The following HOXD3 variants were observed in gnomAD, a reference collection of about 807,000 sequenced individuals.
The protein encoded by HOXD3 is homeobox protein Hox-D3.
Under a neutral mutation model 32.8 loss-of-function variants are expected in HOXD3, and 13 were observed. That is an observed-to-expected ratio of 0.40 (90% confidence interval 0.26 to 0.63). The LOEUF (loss-of-function observed/expected upper bound fraction) is 0.63, where lower values mean the gene tolerates loss of function less well. HOXD3 is among the 20% of genes least tolerant of loss of function. The pLI is 0.44. For missense variants in HOXD3, 504 were observed against 577.1 expected (o/e 0.87, Z 1.30); for synonymous variants, 241 against 246.8 (o/e 0.98, Z 0.22).
At chr2:176,157,141 C>T (rs1475230878), upstream of HOXD3, among the ~76,000 whole-genome samples, 1 of 152,136 alleles carries the variant, frequency 6.6e-6, no homozygotes, top group Non-Finnish European at 1.5e-5. Context: ...GCCCTCCCTG[C>T]CCCCCGCGCC....
rs147036334 is a variant in HOXD3 at position 176,158,078 on chromosome 2, C to G, written c.-181+626C>G. Among the ~76,000 whole-genome samples, 16 of 152,344 alleles carry G rather than the reference C, an allele frequency of 1.1e-4. No homozygotes were observed. The South Asian group carries it at 2.5e-3, about 24-fold the overall frequency. ...AATGATTTCCGAGTTGCCTCTCCCC[C>G]CGCTCCTCTCTCCCCACCCAAGTTC... On this transcript the variant is annotated intron_variant, in intron 1 of 3. Transcript: ENST00000683222.
intron 1 of HOXD3, among the ~76,000 whole-genome samples, chr2:176,157,809 G>T (rs1375923908): frequency 6.6e-6 from 1 of 152,172 alleles, no homozygotes; most frequent in East Asian, 1.9e-4. Context: ...CAAGACAACA[G>T]GAGTTGTAAA....
At position 176,169,389 on chromosome 2, in the gene HOXD3, G is replaced by C. The variant is rs751122506; in HGVS notation, c.275G>C (p.Arg92Pro). ...KGAELNGSCMRPGTGNSQGGG... is the reference protein window; with the variant it reads ...KGAELNGSCMPPGTGNSQGGG... ...GCTGAACTCAATGGCAGCTGCATGCGGCCGGGCACTGGGAACAGCCAGGGT... is the reference window on the plus strand; with the variant it reads ...GCTGAACTCAATGGCAGCTGCATGCCGCCGGGCACTGGGAACAGCCAGGGT... Residue 92 changes from arginine (R) to proline (P), a missense_variant, in exon 3 of 4, where the codon CGG becomes CCG. Physicochemically the swap from Arg to Pro is moderately radical, Grantham distance 103 (BLOSUM62 -2). This residue lies in a region of HOXD3 where 181 missense variants were observed against 172.2 expected (regional missense o/e 1.05). Transcript: ENST00000683222. 6.2e-7 allele frequency: 1 copy of C among 1,613,864 alleles called. No individual in the cohort carries two copies. The highest frequency in any genetic ancestry group is 1.7e-5 in the Admixed American group (1 of 60,010).
chr2:176,155,020 C>T (rs995778845), upstream of HOXD3, among the ~76,000 whole-genome samples: 2 of 152,130 alleles, frequency 1.3e-5, no homozygotes, highest in Non-Finnish European at 1.5e-5. Context: ...GTATTTCAGC[C>T]GGGAGGACTG....
chr2:176,158,744 G>T (rs1376067068), intron 1 of HOXD3, among the ~76,000 whole-genome samples: 4 of 152,206 alleles, frequency 2.6e-5, no homozygotes, highest in Non-Finnish European at 5.9e-5. Flanking sequence ...CTTTGCGAGT[G>T]ACTCGGGCGC....
intron 1 of HOXD3, chr2:176,160,907 G>C (rs1307016107): frequency 6.6e-6 from 1 of 152,256 alleles, no homozygotes; most frequent in Non-Finnish European, 1.5e-5. Context: ...ACCTCAGCCT[G>C]GTTCCGTTCT....
At position 176,169,090 on chromosome 2, in the gene HOXD3, G is replaced by A. The variant is rs756039679; in HGVS notation, c.-25G>A. 4 of 1,573,356 alleles carry A rather than the reference G, an allele frequency of 2.5e-6. No individual in the cohort carries two copies. Among genetic ancestry groups the A allele is most frequent in the Admixed American group, 1.7e-5 (1 of 57,298 alleles). On this transcript the variant is annotated 5_prime_UTR_variant, in exon 3 of 4. Transcript: ENST00000683222. The stretch of plus-strand genomic sequence containing the variant: ...CAGGATTCAGCAGACATTGGAGGTG[G>A]CAGTGAAGGATACAGTGGTAGTCAA...
At chr2:176,158,672 A>C (rs902200339) in intron 1 of HOXD3, among the ~76,000 whole-genome samples, 7 of 152,140 alleles carry the variant, frequency 4.6e-5, no homozygotes, top group African/African-American at 1.7e-4. Context: ...CCCCATTATG[A>C]ATTATACATT....
At chr2:176,154,671 G>A (rs1316439831), upstream of HOXD3, among the ~76,000 whole-genome samples, 1 of 152,218 alleles carries the variant, frequency 6.6e-6, no homozygotes, top group Non-Finnish European at 1.5e-5. Context: ...ATTCACTGCA[G>A]TCCCTAGGCT....
upstream of HOXD3, among the ~76,000 whole-genome samples, chr2:176,157,049 A>G (rs1690659801): frequency 6.6e-6 from 1 of 152,140 alleles, no homozygotes; most frequent in Non-Finnish European, 1.5e-5. Flanking sequence ...AGTCCATAGC[A>G]GAGCCCGCTG....
upstream of HOXD3, chr2:176,152,995 G>T (rs1690575532): frequency 1.9e-6 from 3 of 1,569,506 alleles, no homozygotes; most frequent in Admixed American, 1.7e-5. The surrounding 1 kb of genome is among the most constrained non-coding windows in gnomAD (Gnocchi z 5.2). Flanking sequence ...AGCCGAAGCT[G>T]CGGGGGCAGG....
chr2:176,169,722 A>T, intron 3 of HOXD3, 67 bp downstream of exon 3: 4 of 1,512,750 alleles, frequency 2.6e-6, no homozygotes, highest in Non-Finnish European at 3.5e-6. Context: ...AAGCCTAGTC[A>T]GGGCTGGAAA....
At chr2:176,158,517 T>C (rs1017956825) in intron 1 of HOXD3, among the ~76,000 whole-genome samples, 5 of 152,144 alleles carry the variant, frequency 3.3e-5, no homozygotes, top group African/African-American at 1.2e-4. Context: ...CTCCATTGGC[T>C]TTCAGAATGA....
At position 176,169,521 on chromosome 2, in the gene HOXD3, G is replaced by A. The variant is rs755084410; in HGVS notation, c.407G>A (p.Gly136Asp). 5 of 1,614,078 alleles carry A rather than the reference G, an allele frequency of 3.1e-6. No individual in the cohort carries two copies. Among genetic ancestry groups the A allele is most frequent in the Admixed American group, 1.7e-5 (1 of 60,012 alleles). The change falls in exon 3 of 4, where the codon GGT becomes GAT. Residue 136 changes from glycine (G) to aspartate (D), a missense_variant. Transcript: ENST00000683222. The part of the protein sequence containing the change: ...LPPSSPTNPG[G>D]GVPAKKPKGG... ...CCATCTTCACCCACCAATCCTGGAG[G>A]TGGAGTGCCTGCCAAGAAGCCCAAA...
intron 1 of HOXD3, among the ~76,000 whole-genome samples, chr2:176,159,552 T>G (rs951027064): frequency 1.3e-5 from 2 of 152,256 alleles, no homozygotes; most frequent in East Asian, 3.9e-4. Context: ...GAGTTCCCCG[T>G]GGTGCGGGAT....
At chr2:176,165,155 G>A (rs1690923905) in intron 2 of HOXD3, 2 of 152,232 alleles carry the variant, frequency 1.3e-5, no homozygotes, top group South Asian at 4.1e-4. Context: ...AAAGTGCCGG[G>A]CCTTGGGAAG....
At chr2:176,155,580 C>G (rs1334628455), upstream of HOXD3, among the ~76,000 whole-genome samples, 1 of 152,188 alleles carries the variant, frequency 6.6e-6, no homozygotes, top group Non-Finnish European at 1.5e-5. Context: ...CAGTCGGACC[C>G]CAGCATCCAT....
At chr2:176,159,249 G>A (rs1690723241) in intron 1 of HOXD3, among the ~76,000 whole-genome samples, 1 of 152,048 alleles carries the variant, frequency 6.6e-6, no homozygotes, top group African/African-American at 2.4e-5. Flanking sequence ...GGTGGGCTGG[G>A]GTCACCCACG....
upstream of HOXD3, chr2:176,152,914 A>G: frequency 1.2e-6 from 2 of 1,614,048 alleles, no homozygotes; most frequent in Non-Finnish European, 1.7e-6. The surrounding 1 kb of genome is among the most constrained non-coding windows in gnomAD (Gnocchi z 5.2). Context: ...ATGGCCAAAG[A>G]CCACCACACG....
Sources: gnomAD v4.1 joint callset for allele counts (sites outside exome capture counted in the v4.1 genomes callset) on GRCh38, gnomAD v4.1.1 for gene constraint, gnomAD v4.1.1 regional missense constraint, Gnocchi (gnomAD v3.1) non-coding constraint, MANE v1.5 for transcripts, NCBI Gene and HGNC (gene_info 2026-07-23, HGNC 2026-07-21) for gene names.